UNC13C: variants seen among roughly 807,000 people sequenced by gnomAD.
The protein encoded by UNC13C is unc-13 homolog C.
In UNC13C, 174 loss-of-function variants were observed where a neutral mutation model predicts 245.4. The ratio of observed to expected loss-of-function variants is 0.71; its 90% confidence interval spans 0.63 to 0.80. The LOEUF (loss-of-function observed/expected upper bound fraction) is 0.80, where lower values mean the gene tolerates loss of function less well. UNC13C is among the 30% of genes least tolerant of loss of function. The probability of loss-of-function intolerance (pLI) is 0.00; values close to 1 mark genes in which losing one functional copy is unlikely to be tolerated. For missense variants in UNC13C, 2,829 were observed against 2,602.9 expected (o/e 1.09, Z -1.89); for synonymous variants, 992 against 895.1 (o/e 1.11, Z -1.93).
intron 30 of UNC13C, among the ~76,000 whole-genome samples, chr15:54,592,413 A>G (rs1898840188): frequency 6.6e-6 from 1 of 152,066 alleles, no homozygotes; most frequent in Non-Finnish European, 1.5e-5. Context: ...CCCCACTATT[A>G]TTGTGTTGCT....
chr15:54,507,294 A>G (rs1451709789), intron 23 of UNC13C, 100 bp downstream of exon 23: 3 of 771,704 alleles, frequency 3.9e-6, no homozygotes, highest in Non-Finnish European at 6.3e-6. Flanking sequence ...CAGTTTTCAC[A>G]TAGGATAATA....
At chr15:54,313,076 C>T (rs2037917633) in intron 13 of UNC13C, among the ~76,000 whole-genome samples, 1 of 151,610 alleles carries the variant, frequency 6.6e-6, no homozygotes, top group Non-Finnish European at 1.5e-5. Context: ...CAGAAATCAC[C>T]TCAGTTAATT....
At chr15:54,366,372 T>C (rs1402336029) in intron 17 of UNC13C, among the ~76,000 whole-genome samples, 1 of 152,190 alleles carries the variant, frequency 6.6e-6, no homozygotes, top group African/African-American at 2.4e-5. Flanking sequence ...AATCATGCTT[T>C]GTACTTTGCC....
Position 54,129,535 on chromosome 15 carries a change from T to C in UNC13C, c.2984-13483T>C, listed in dbSNP as rs147964577. 5.5e-3 allele frequency among the ~76,000 whole-genome samples: 831 copies of C among 152,244 alleles called. 12 individuals carry two copies. Among genetic ancestry groups the C allele is most frequent in the African/African-American group, 0.019 (800 of 41,574 alleles). On this transcript the variant is annotated intron_variant, in intron 2 of 32. Coordinates refer to ENST00000260323, the MANE Select transcript of UNC13C (RefSeq NM_001080534.3). Reference sequence around the variant, plus strand: ...TTCTTTCATAGGGAGAATTTTCTACTGATTCAATTTCTTTAATAATTGATA... The same window carrying C: ...TTCTTTCATAGGGAGAATTTTCTACCGATTCAATTTCTTTAATAATTGATA...
the UNC13C span, among the ~76,000 whole-genome samples, chr15:53,864,111 T>A: frequency 2.6e-5 from 4 of 152,200 alleles, no homozygotes; most frequent in African/African-American, 9.6e-5. Context: ...TCTCCTGACA[T>A]CTTCACCCAC....
chr15:53,999,499 G>GT (rs1262390427), intron 1 of UNC13C, among the ~76,000 whole-genome samples: 4 of 151,738 alleles, frequency 2.6e-5, no homozygotes, highest in Non-Finnish European at 5.9e-5. Context: ...TTGGTAATTT[G>GT]TATTTCTTAT....
chr15:54,405,178 T>G (rs1184010029), intron 18 of UNC13C, among the ~76,000 whole-genome samples: 1 of 152,146 alleles, frequency 6.6e-6, no homozygotes, highest in Non-Finnish European at 1.5e-5. Flanking sequence ...CAGTCCCAAG[T>G]TACACAATTA....
intron 18 of UNC13C, among the ~76,000 whole-genome samples, chr15:54,399,529 A>G (rs961646705): frequency 6.6e-6 from 1 of 151,846 alleles, no homozygotes; most frequent in Admixed American, 6.6e-5. Context: ...GTTCGCATGC[A>G]TTGTACTATA....
chr15:54,392,702 C>T (rs1377106021), intron 17 of UNC13C, among the ~76,000 whole-genome samples: 3 of 151,832 alleles, frequency 2.0e-5, no homozygotes, highest in African/African-American at 4.8e-5. Context: ...GAAGAAGCCA[C>T]ATTAAAGGCA....
intron 19 of UNC13C, among the ~76,000 whole-genome samples, chr15:54,457,443 G>A (rs1041472652): frequency 3.3e-5 from 5 of 152,082 alleles, no homozygotes; most frequent in Admixed American, 2.6e-4. Context: ...AATAGTTTGA[G>A]TGGGATTGGT....
At chr15:54,629,203 C>CATGT (rs1304287527), downstream of UNC13C, 3 of 152,018 alleles carry the variant, frequency 2.0e-5, no homozygotes, top group African/African-American at 7.3e-5. Context: ...CGAAATACTA[C>CATGT]ATGTTTGTTA....
intron 22 of UNC13C, among the ~76,000 whole-genome samples, chr15:54,501,364 A>T (rs1015466989): frequency 6.6e-6 from 1 of 152,102 alleles, no homozygotes; most frequent in African/African-American, 2.4e-5. Context: ...TTGAACTTGG[A>T]GCCATGAAAA....
intron 4 of UNC13C, among the ~76,000 whole-genome samples, chr15:54,161,649 A>C (rs564525897): frequency 6.6e-6 from 1 of 152,022 alleles, no homozygotes. Flanking sequence ...GTCAGTTATC[A>C]TTAAAATTTT....
At position 54,525,461 on chromosome 15, in the gene UNC13C, AC is replaced by A. The variant is rs1322100773; in HGVS notation, c.5458-86del. On this transcript the variant is annotated intron_variant, in intron 24 of 32. Transcript: ENST00000260323. ...AAAAGCTTACATGTTGTTTGAAGTT[AC>A]CATATAATAATCAAAATGCTTGTAA... 4.9e-6 allele frequency: 4 copies of A among 810,732 alleles called. No individual in the cohort carries two copies. The African/African-American group carries it at 7.1e-5, about 14-fold the overall frequency. The allele number at this position is 810,732 out of a possible 1,614,324, so 50.2% of individuals were successfully genotyped here.
chr15:54,222,994 A>G (rs1226233839), intron 4 of UNC13C, among the ~76,000 whole-genome samples: 2 of 151,652 alleles, frequency 1.3e-5, no homozygotes, highest in Admixed American at 6.6e-5. Context: ...CTGGTTATTA[A>G]TCTCTTGTCG....
At chr15:53,844,739 A>G in the UNC13C span, among the ~76,000 whole-genome samples, 2 of 152,174 alleles carry the variant, frequency 1.3e-5, no homozygotes, top group South Asian at 2.1e-4. Context: ...TCAGGGACCT[A>G]TAGTCAGATT....
At chr15:54,118,822 CTGTT>C (rs1323402084) in intron 2 of UNC13C, among the ~76,000 whole-genome samples, 1 of 149,342 alleles carries the variant, frequency 6.7e-6, no homozygotes, top group African/African-American at 2.5e-5. Flanking sequence ...TTTCTATACT[CTGTT>C]TGTTGCGGTT....
chr15:54,381,152 G>T (rs546820958), intron 17 of UNC13C, among the ~76,000 whole-genome samples: 1 of 152,092 alleles, frequency 6.6e-6, no homozygotes, highest in South Asian at 2.1e-4. Flanking sequence ...GTCAAATAAG[G>T]GTATAATTTT....
At chr15:54,613,255 C>G (rs1900221130) in intron 30 of UNC13C, among the ~76,000 whole-genome samples, 1 of 151,514 alleles carries the variant, frequency 6.6e-6, no homozygotes, top group Non-Finnish European at 1.5e-5. Context: ...TGTATAAAAC[C>G]TCCAAAAGAT....
Sources: allele counts gnomAD v4.1 joint callset (sites outside exome capture counted in the v4.1 genomes callset), GRCh38; gene constraint gnomAD v4.1.1; transcripts MANE v1.5; gene names NCBI Gene and HGNC (gene_info 2026-07-23, HGNC 2026-07-21).